The following ELOVL2 variants were observed in gnomAD, a reference collection of about 807,000 sequenced individuals.
ELOVL2 encodes the protein ELOVL fatty acid elongase 2, also known as very long chain fatty acid elongase 2.
ELOVL2 carries 38 observed loss-of-function variants against 37.7 expected under a neutral mutation model. The ratio of observed to expected loss-of-function variants is 1.01; its 90% CI spans 0.78 to 1.32. The LOEUF (loss-of-function observed/expected upper bound fraction) is 1.32. Ranked by LOEUF, ELOVL2 falls within the 40% of genes most tolerant of loss-of-function variation. The pLI is 0.00. For missense variants in ELOVL2, 352 were observed against 363.6 expected (o/e 0.97, Z 0.26); for synonymous variants, 115 against 122.3 (o/e 0.94, Z 0.40).
In ELOVL2 at chr6:10,989,845, C is replaced by T. The variant is rs201385261; in HGVS notation, c.631-8G>A. The T allele has an allele frequency of 1.6e-4, 254 of 1,613,896 alleles. 3 individuals carry two copies. The South Asian group carries it at 2.2e-3, about 14-fold the overall frequency. On this transcript the variant is annotated splice_polypyrimidine_tract_variant and splice_region_variant and intron_variant, in intron 6 of 7. Transcript: ENST00000354666. Reference sequence around the variant, plus strand: ...GGTGAGCACGAACTGCACCTGGGGACGGCAGAGAGGGCATCTCTGTGAGCG... The same window carrying T: ...GGTGAGCACGAACTGCACCTGGGGATGGCAGAGAGGGCATCTCTGTGAGCG...
chr6:10,982,405 T>G lies in ELOVL2; in HGVS notation c.*1376A>C, dbSNP rs559437614. On this transcript the variant is annotated 3_prime_UTR_variant, in exon 8 of 8. Transcript: ENST00000354666. ...TCAGTGTCAGGACCTAAAAACTTAT[T>G]TAAAAAAATAAGGCAGGAGAGAAGA... 6.6e-6 allele frequency: 1 copy of G among 152,200 alleles called. No homozygotes were observed. The highest frequency in any genetic ancestry group is 2.4e-5 in the African/African-American group (1 of 41,530). 9.4% of individuals were successfully genotyped at this position (152,200 alleles called of 1,614,324 possible). A position where few individuals can be genotyped will look rare whatever the true frequency, so the allele number is the denominator to read the frequency against.
chr6:11,017,442 G>C (rs1782702308), intron 1 of ELOVL2, among the ~76,000 whole-genome samples: 1 of 152,096 alleles, frequency 6.6e-6, no homozygotes. Flanking sequence ...CTTGTGCTGT[G>C]GTATCTCAGG....
intron 7 of ELOVL2, among the ~76,000 whole-genome samples, chr6:10,989,017 C>G (rs1163021197): frequency 6.6e-6 from 1 of 152,166 alleles, no homozygotes; most frequent in Non-Finnish European, 1.5e-5. Context: ...TGAAGAAGCC[C>G]TTGCTTTGCT....
chr6:11,029,057 CAAAAAAAAA>C (rs61212546), intron 1 of ELOVL2, among the ~76,000 whole-genome samples: 31 of 83,564 alleles, frequency 3.7e-4, no homozygotes, highest in South Asian at 8.8e-4. Context: ...TTTGTCTCTA[CAAAAAAAAA>C]AAAAAAAAAA....
intron 1 of ELOVL2, among the ~76,000 whole-genome samples, chr6:11,031,184 A>C (rs996877459): frequency 6.6e-6 from 1 of 151,768 alleles, no homozygotes; most frequent in African/African-American, 2.4e-5. Flanking sequence ...TCATTTGTCC[A>C]CCTCCTTACT....
intron 1 of ELOVL2, among the ~76,000 whole-genome samples, chr6:11,035,104 A>G (rs1184356268): frequency 6.6e-6 from 1 of 152,264 alleles, no homozygotes. Flanking sequence ...TAAATTGCTC[A>G]GAGTATAGTG....
At chr6:11,021,495 G>T (rs973073318) in intron 1 of ELOVL2, among the ~76,000 whole-genome samples, 1 of 152,146 alleles carries the variant, frequency 6.6e-6, no homozygotes, top group Non-Finnish European at 1.5e-5. Flanking sequence ...AATTGTATGT[G>T]TATTAATATA....
chr6:11,005,428 T>G lies in ELOVL2; in HGVS notation c.199A>C (p.Ile67Leu), dbSNP rs778238976. The G allele has an allele frequency of 6.2e-7, 1 of 1,614,106 alleles. No homozygotes were observed. The highest frequency in any genetic ancestry group is 8.5e-7 in the Non-Finnish European group (1 of 1,180,000). Residue 67 changes from isoleucine (I) to leucine (L), a missense_variant, in exon 3 of 8, where the codon ATC (isoleucine) becomes CTC (leucine). Coordinates refer to ENST00000354666, the MANE Select transcript of ELOVL2 (RefSeq NM_017770.4). ...ATTCCAAGATTATACAAGGTGAGGA[T>G]ACCCCTGAGAGAAAGAGCAGGTCTG... ...KNRPALSLRG[I>L]LTLYNLGITL...
At chr6:11,043,432 C>CACACAG (rs1428059244) in intron 1 of ELOVL2, 7 of 115,010 alleles carry the variant, frequency 6.1e-5, no homozygotes, top group African/African-American at 2.6e-4. Flanking sequence ...CACACACACA[C>CACACAG]AGCTTACTGT....
chr6:11,008,885 A>G (rs1443946943), intron 2 of ELOVL2, among the ~76,000 whole-genome samples: 1 of 152,234 alleles, frequency 6.6e-6, no homozygotes, highest in African/African-American at 2.4e-5. Flanking sequence ...TGGCCTAAAT[A>G]CTCAAGTGAT....
chr6:10,990,278 T>TA (rs768804660), intron 6 of ELOVL2, 40 bp downstream of exon 6: 1 of 1,600,258 alleles, frequency 6.2e-7, no homozygotes, highest in Non-Finnish European at 8.5e-7. Context: ...TCCCCATCCA[T>TA]AAGCCACATG....
Position 11,016,280 on chromosome 6 carries a change from G to T in ELOVL2, c.4-5471C>A, listed in dbSNP as rs560102426. Reference sequence around the variant, plus strand: ...CCAGTGATTCAAGATCTTGATGTTTGCCCTGTTTTGTTGATAGTTTTATAG... The same window carrying T: ...CCAGTGATTCAAGATCTTGATGTTTTCCCTGTTTTGTTGATAGTTTTATAG... On this transcript the variant is annotated intron_variant, in intron 1 of 7. Transcript: ENST00000354666. Among the ~76,000 whole-genome samples the T allele has an allele frequency of 5.8e-5, 8 of 138,380 alleles. 1 individual carries two copies. In the South Asian group the frequency reaches 2.0e-3, roughly 34 times the overall value. 90.8% of individuals were successfully genotyped at this position (138,380 alleles called of 152,430 possible). A position where few individuals can be genotyped will look rare whatever the true frequency, so the allele number is the denominator to read the frequency against.
chr6:11,007,233 G>A (rs1248047022), intron 2 of ELOVL2, among the ~76,000 whole-genome samples: 1 of 152,216 alleles, frequency 6.6e-6, no homozygotes, highest in East Asian at 1.9e-4. Context: ...TGTCCCCCAC[G>A]AAGATGCCTT....
chr6:11,023,969 T>C (rs1782805544), intron 1 of ELOVL2, among the ~76,000 whole-genome samples: 1 of 152,198 alleles, frequency 6.6e-6, no homozygotes, highest in Non-Finnish European at 1.5e-5. Flanking sequence ...TTCATGTTAG[T>C]TTAAGCATCT....
intron 6 of ELOVL2, 95 bp downstream of exon 6, chr6:10,990,223 A>G: frequency 6.6e-7 from 1 of 1,505,056 alleles, no homozygotes; most frequent in Non-Finnish European, 9.0e-7. Context: ...GGGCAGCCTC[A>G]TCACACATAA....
At chr6:10,999,480 A>G (rs550944409) in intron 4 of ELOVL2, among the ~76,000 whole-genome samples, 12 of 151,206 alleles carry the variant, frequency 7.9e-5, no homozygotes, top group African/African-American at 2.9e-4. Context: ...GGTTCAAGCG[A>G]TTCTCCTGGC....
chr6:11,036,997 GCAGAGAGGGAGAGAGAGA>G (rs1283362169), intron 1 of ELOVL2, among the ~76,000 whole-genome samples: 43 of 151,372 alleles, frequency 2.8e-4, no homozygotes, highest in African/African-American at 7.0e-4. Flanking sequence ...GACAGAGGAG[GCAGAGAGGGAGAGAGAGA>G]CAGAGAGGGA....
chr6:11,009,273 C>T, intron 2 of ELOVL2, among the ~76,000 whole-genome samples: 1 of 152,136 alleles, frequency 6.6e-6, no homozygotes, highest in East Asian at 1.9e-4. Flanking sequence ...TACTCCCAAA[C>T]CCTGTAGGTA....
rs1781989155 is a variant in ELOVL2, at chr6:10,983,823, G to A, written c.849C>T (p.Tyr283=). The A allele has an allele frequency of 6.2e-7, 1 of 1,613,500 alleles. No homozygotes were observed. Among genetic ancestry groups the A allele is most frequent in the Non-Finnish European group, 8.5e-7 (1 of 1,179,888 alleles). The part of the protein sequence containing the change: ...KEVKNGFSKA[Y]FTAANGVMNK... ...TCATCACTCCATTTGCTGCAGTGAA[G>A]TAGGCTTTGGAAAAACCATTCTTCA... Residue 283 remains tyrosine, a synonymous_variant, in exon 8 of 8, where the codon TAC becomes TAT. Transcript: ENST00000354666.
Sources: allele counts gnomAD v4.1 joint callset (sites outside exome capture counted in the v4.1 genomes callset), GRCh38; gene constraint gnomAD v4.1.1; transcripts MANE v1.5; gene names NCBI Gene and HGNC (gene_info 2026-07-23, HGNC 2026-07-21).